The following DNAH9 variants were observed in gnomAD, a reference collection of about 807,000 sequenced individuals.
The protein encoded by DNAH9 is DNAH9 variant protein.
In DNAH9, 345 loss-of-function variants were observed where a neutral mutation model predicts 471.6. The ratio of observed to expected loss-of-function variants is 0.73; its 90% CI spans 0.67 to 0.80. The LOEUF (loss-of-function observed/expected upper bound fraction) is 0.80, where lower values mean the gene tolerates loss of function less well. Ranked by LOEUF, DNAH9 falls within the 30% of genes least tolerant of loss-of-function variation. DNAH9 has a pLI of 0.00. For missense variants in DNAH9, 5,407 were observed against 5,609.2 expected (o/e 0.96, Z 1.15); for synonymous variants, 2,093 against 2,123.6 (o/e 0.99, Z 0.40).
At chr17:11,615,087 C>T (rs1888968540) in intron 4 of DNAH9, among the ~76,000 whole-genome samples, 1 of 152,160 alleles carries the variant, frequency 6.6e-6, no homozygotes, top group Non-Finnish European at 1.5e-5. Flanking sequence ...CTTGCACCCC[C>T]ATTCTCCCAA....
At chr17:11,679,696 A>G in intron 17 of DNAH9, 61 bp from the exon 18 acceptor site, 3 of 1,199,776 alleles carry the variant, frequency 2.5e-6, no homozygotes, top group Non-Finnish European at 3.7e-6. Flanking sequence ...GGAAATCAAT[A>G]CATCTGCCTT....
chr17:11,834,920 C>A, intron 49 of DNAH9, 22 bp downstream of exon 49: 11 of 1,607,044 alleles, frequency 6.8e-6, no homozygotes, highest in Non-Finnish European at 9.3e-6. Flanking sequence ...GTCTGCCATA[C>A]CTGCTCATCC....
At chr17:11,607,191 ATCACCTCCTAT>A (rs558929795) in intron 1 of DNAH9, among the ~76,000 whole-genome samples, 254 of 152,190 alleles carry the variant, frequency 1.7e-3, no homozygotes, top group Non-Finnish European at 3.0e-3. Flanking sequence ...TGACTATTTA[ATCACCTCCTAT>A]TCACCCCGTT....
At chr17:11,960,911 C>T (rs995900532) in intron 67 of DNAH9, among the ~76,000 whole-genome samples, 4 of 152,200 alleles carry the variant, frequency 2.6e-5, no homozygotes, top group African/African-American at 9.6e-5. Context: ...GACAGCCAAA[C>T]GCTGTCAGGT....
chr17:11,672,270 T>G (rs1345894250), intron 17 of DNAH9, among the ~76,000 whole-genome samples: 1 of 152,226 alleles, frequency 6.6e-6, no homozygotes, highest in East Asian at 1.9e-4. Context: ...AAAGCTTTCC[T>G]GTGCCCTTGC....
At chr17:11,960,793 A>C (rs572211064) in intron 67 of DNAH9, among the ~76,000 whole-genome samples, 1 of 152,052 alleles carries the variant, frequency 6.6e-6, no homozygotes, top group African/African-American at 2.4e-5. Context: ...TTAAGAGAAA[A>C]AGTTAGATCT....
intron 4 of DNAH9, among the ~76,000 whole-genome samples, chr17:11,614,381 G>A: frequency 6.6e-6 from 1 of 152,108 alleles, no homozygotes; most frequent in Non-Finnish European, 1.5e-5. Context: ...TTAAAAGGAT[G>A]GAGGAAAATA....
intron 49 of DNAH9, among the ~76,000 whole-genome samples, chr17:11,839,905 G>T: frequency 6.6e-6 from 1 of 152,116 alleles, no homozygotes. Flanking sequence ...TTTCCCATAC[G>T]CAATAATATG....
chr17:11,756,548 C>G lies in DNAH9; in HGVS notation c.6739-20C>G. Reference sequence around the variant, plus strand: ...ACCTCCCTCCTTCCTCACTGGCATGCCCTTCCCTGTTGTCTCCAGGTGCTG... The same window carrying G: ...ACCTCCCTCCTTCCTCACTGGCATGGCCTTCCCTGTTGTCTCCAGGTGCTG... On this transcript the variant is annotated intron_variant, in intron 33 of 68. Transcript: ENST00000262442. The G allele has an allele frequency of 6.9e-7, 1 of 1,457,146 alleles. No homozygotes were observed. The highest frequency in any genetic ancestry group is 1.7e-5 in the Admixed American group (1 of 59,732). 90.3% of individuals were successfully genotyped at this position (1,457,146 alleles called of 1,614,324 possible).
chr17:11,960,435 T>TTAAAA (rs1976003339), intron 67 of DNAH9, among the ~76,000 whole-genome samples: 1 of 54,060 alleles, frequency 1.8e-5, no homozygotes, highest in East Asian at 6.2e-4. Context: ...GACTCTGTCT[T>TTAAAA]AAAAAAAAAA....
chr17:11,825,853 G>C (rs539841736), intron 48 of DNAH9, among the ~76,000 whole-genome samples: 2 of 152,182 alleles, frequency 1.3e-5, no homozygotes, highest in African/African-American at 2.4e-5. Context: ...TCTATAATGA[G>C]GGAAGAGGTT....
rs1171056086 is a variant in DNAH9, at chr17:11,861,089, A to C, written c.9933+6661A>C. Among the ~76,000 whole-genome samples the C allele has an allele frequency of 1.3e-5, 2 of 150,802 alleles. 1 individual carries two copies. The highest frequency in any genetic ancestry group is 1.3e-4 in the Admixed American group (2 of 15,144). ...TGTGCACAATGTGCAGGTTAGTTAC[A>C]TATGTATACATGTGCCATGCTGGTG... On this transcript the variant is annotated intron_variant, in intron 50 of 68. Transcript: ENST00000262442.
intron 6 of DNAH9, 185 bp downstream of exon 6, chr17:11,619,966 T>C (rs1454768732): frequency 5.2e-6 from 3 of 574,034 alleles, no homozygotes; most frequent in African/African-American, 3.7e-5. Context: ...CCACTAGCAC[T>C]TTGGGAGGCA....
At position 11,601,500 on chromosome 17, in the gene DNAH9, G is replaced by A. The variant is rs138991950; in HGVS notation, c.417+2585G>A. ...AAAGCTTTTGTACGTTTAAATTTTT[G>A]CCCCATGTAAATGTATTACCTATTT... On this transcript the variant is annotated intron_variant, in intron 1 of 68. Coordinates refer to ENST00000262442, the MANE Select transcript of DNAH9 (RefSeq NM_001372.4). Among the ~76,000 whole-genome samples the A allele has an allele frequency of 7.7e-4, 117 of 152,184 alleles. No individual in the cohort carries two copies. The East Asian group carries it at 0.019, about 24-fold the overall frequency.
rs2075058332 is a variant in DNAH9, at chr17:11,721,477, T to C, written c.5709+1987T>C. 1.3e-5 allele frequency among the ~76,000 whole-genome samples: 2 copies of C among 152,162 alleles called. 1 individual carries two copies. The highest frequency in any genetic ancestry group is 1.3e-4 in the Admixed American group (2 of 15,282). On this transcript the variant is annotated intron_variant, in intron 27 of 68. Transcript: ENST00000262442. ...CCCACTAAGCTGTTTGCAAACTTCC[T>C]CTACCTTTGTTTTCTGGCTGTTCAG...
intron 61 of DNAH9, among the ~76,000 whole-genome samples, chr17:11,907,409 G>T (rs1197115445): frequency 4.0e-5 from 6 of 151,626 alleles, no homozygotes; most frequent in Non-Finnish European, 8.8e-5. Context: ...GTCAGAGGTT[G>T]CAGTGAGCCA....
chr17:11,696,915 G>C (rs2074487202), intron 22 of DNAH9, among the ~76,000 whole-genome samples: 1 of 151,822 alleles, frequency 6.6e-6, no homozygotes, highest in Non-Finnish European at 1.5e-5. Context: ...TGTCACCCAG[G>C]CTGGAGTGCA....
chr17:11,679,516 TC>T (rs1279429938), intron 17 of DNAH9, among the ~76,000 whole-genome samples: 1 of 152,204 alleles, frequency 6.6e-6, no homozygotes, highest in East Asian at 1.9e-4. Flanking sequence ...ATGTCGTGTC[TC>T]CTCCTGAGTC....
intron 19 of DNAH9, among the ~76,000 whole-genome samples, chr17:11,683,778 C>T (rs1473188880): frequency 6.6e-6 from 1 of 152,220 alleles, no homozygotes; most frequent in African/African-American, 2.4e-5. Flanking sequence ...GCTAATTTGA[C>T]ATGCAGATGA....
Sources: gnomAD v4.1 joint callset for allele counts (sites outside exome capture counted in the v4.1 genomes callset) on GRCh38, gnomAD v4.1.1 for gene constraint, MANE v1.5 for transcripts, NCBI Gene and HGNC (gene_info 2026-07-23, HGNC 2026-07-21) for gene names.